Variants in GARNL3 observed in about 807,000 individuals in gnomAD.
The protein encoded by GARNL3 is GTPase activating Rap/RanGAP domain like 3.
In GARNL3, 63 loss-of-function variants were observed where a neutral mutation model predicts 125.0. The observed-to-expected ratio is 0.50, with a 90% CI of 0.41 to 0.62. The LOEUF (loss-of-function observed/expected upper bound fraction) is 0.62. Ranked by LOEUF, GARNL3 falls within the 20% of genes least tolerant of loss-of-function variation. GARNL3 has a pLI of 0.00. For missense variants in GARNL3, 994 were observed against 1,244.0 expected, an observed-to-expected ratio of 0.80 and a Z score of 3.02; for synonymous variants, 439 against 457.5, an observed-to-expected ratio of 0.96 and a Z score of 0.52.
chr9:127,278,244 A>T (rs1373057626), intron 1 of GARNL3, among the ~76,000 whole-genome samples: 1 of 152,252 alleles, frequency 6.6e-6, no homozygotes, highest in African/African-American at 2.4e-5. Flanking sequence ...TTTAGTACAC[A>T]TCGATTTAGT....
At chr9:127,314,003 GTGAC>G (rs569220910) in intron 4 of GARNL3, among the ~76,000 whole-genome samples, 139 of 152,302 alleles carry the variant, frequency 9.1e-4, no homozygotes, top group African/African-American at 2.9e-3. Context: ...CCGTTGTGGA[GTGAC>G]TGATCCAACC....
At chr9:127,331,759 A>G (rs1408713244) in intron 7 of GARNL3, among the ~76,000 whole-genome samples, 4 of 69,270 alleles carry the variant, frequency 5.8e-5, no homozygotes, top group African/African-American at 2.0e-4. Flanking sequence ...TGACTTCTTC[A>G]GATTGAATAT....
At chr9:127,336,002 G>C (rs1056036636) in intron 10 of GARNL3, 126 bp from the exon 11 acceptor site, 1 of 669,740 alleles carries the variant, frequency 1.5e-6, no homozygotes, top group Non-Finnish European at 2.5e-6. Context: ...TGAAGTCAAA[G>C]ATGTCTGAAG....
At chr9:127,293,774 T>A (rs894630681) in intron 2 of GARNL3, among the ~76,000 whole-genome samples, 2 of 152,154 alleles carry the variant, frequency 1.3e-5, no homozygotes, top group African/African-American at 4.8e-5. Context: ...TTCCTGAAAA[T>A]TTTTAGGAAT....
intron 27 of GARNL3, 55 bp downstream of exon 27, chr9:127,390,822 T>A: frequency 6.4e-7 from 1 of 1,556,038 alleles, no homozygotes; most frequent in Non-Finnish European, 8.7e-7. Context: ...GTCACAGCAC[T>A]GCCCAGGAGG....
chr9:127,297,453 T>C (rs1246665105), intron 2 of GARNL3, among the ~76,000 whole-genome samples: 1 of 152,196 alleles, frequency 6.6e-6, no homozygotes, highest in Non-Finnish European at 1.5e-5. Context: ...TTTTCTTTTT[T>C]CTTTTTTTTC....
At chr9:127,300,082 T>G (rs2064738625) in intron 2 of GARNL3, 1 of 315,304 alleles carries the variant, frequency 3.2e-6, no homozygotes, top group Non-Finnish European at 6.3e-6. Flanking sequence ...ACAGACAGAT[T>G]TTCAAAATCA....
intron 2 of GARNL3, among the ~76,000 whole-genome samples, chr9:127,255,464 A>G (rs1564852435): frequency 6.6e-6 from 1 of 152,250 alleles, no homozygotes; most frequent in African/African-American, 2.4e-5. Flanking sequence ...GAGTAAGTAC[A>G]TAGTATAAAT....
rs180733856 is a variant in GARNL3 at position 127,392,420 on chromosome 9, G to T, written c.2871-663G>T. On this transcript the variant is annotated intron_variant, in intron 27 of 27. Transcript: ENST00000373387. This position sits in a 1 kb window ranked among gnomAD's most constrained non-coding sequence, Gnocchi z 5.2. ...TTGGAATAAACGGTAAGAAGCTAGG[G>T]GAACAGCCCTTCTGACAGCAACTAC... is the stretch of plus-strand genomic sequence containing the variant. Among the ~76,000 whole-genome samples the T allele has an allele frequency of 6.6e-6, 1 of 152,208 alleles. No homozygotes were observed. The highest frequency in any genetic ancestry group is 1.5e-5 in the Non-Finnish European group (1 of 68,044).
At chr9:127,253,441 T>C (rs1196014990) in intron 2 of GARNL3, among the ~76,000 whole-genome samples, 1 of 152,234 alleles carries the variant, frequency 6.6e-6, no homozygotes, top group Non-Finnish European at 1.5e-5. Context: ...GAACTAAGTC[T>C]GTACCAGATA....
intron 14 of GARNL3, among the ~76,000 whole-genome samples, chr9:127,344,012 GT>G (rs1830005479): frequency 6.6e-6 from 1 of 151,998 alleles, no homozygotes; most frequent in Non-Finnish European, 1.5e-5. Context: ...TCAAAGCCGT[GT>G]CCTCAGCCCC....
Position 127,355,444 on chromosome 9 carries a change from C to T in GARNL3, c.1907C>T (p.Ser636Leu). ...STSLLSPLSE[S>L]PVEEFQYIRE... The stretch of plus-strand genomic sequence containing the variant: ...TCATTGTTATCTCCCCTGTCTGAGT[C>T]ACCTGTTGAAGAATTCCAGTACATC... The change falls in exon 20 of 28, where the codon TCA (serine) becomes TTA (leucine). Residue 636 changes from serine (S) to leucine (L), a missense_variant. By Grantham distance (145) the Ser-to-Leu change is moderately radical (BLOSUM62 -2). This residue lies in a region of GARNL3 where 728 missense variants were observed against 865.7 expected (regional missense o/e 0.84). Transcript: ENST00000373387. The T allele has an allele frequency of 6.2e-7, 1 of 1,614,224 alleles. No individual in the cohort carries two copies. Among genetic ancestry groups the T allele is most frequent in the Non-Finnish European group, 8.5e-7 (1 of 1,180,016 alleles).
At chr9:127,372,905 A>G (rs1831686522) in intron 22 of GARNL3, among the ~76,000 whole-genome samples, 1 of 152,214 alleles carries the variant, frequency 6.6e-6, no homozygotes, top group Non-Finnish European at 1.5e-5. Flanking sequence ...ACTCCAGAAG[A>G]TACAGGGGCC....
At chr9:127,332,662 GA>G (rs1454166767) in intron 8 of GARNL3, among the ~76,000 whole-genome samples, 1 of 152,192 alleles carries the variant, frequency 6.6e-6, no homozygotes, top group African/African-American at 2.4e-5. Flanking sequence ...ATTTTTATGA[GA>G]GGAAGAATTA....
intron 24 of GARNL3, among the ~76,000 whole-genome samples, chr9:127,386,852 C>A (rs1301826217): frequency 6.6e-6 from 1 of 152,238 alleles, no homozygotes; most frequent in Non-Finnish European, 1.5e-5. Flanking sequence ...TAAGATCTTT[C>A]CCGTTCTAAC....
At chr9:127,323,097 A>T (rs572372236) in intron 6 of GARNL3, among the ~76,000 whole-genome samples, 1 of 152,348 alleles carries the variant, frequency 6.6e-6, no homozygotes, top group East Asian at 1.9e-4. Context: ...TATGAAAAAA[A>T]TCAGTGTCAG....
At position 127,242,241 on chromosome 9, in the gene GARNL3, C is replaced by T. The variant is rs1185720454; in HGVS notation, c.-28-838C>T. On this transcript the variant is annotated intron_variant, in intron 1 of 10. Coordinates refer to the GARNL3 transcript ENST00000439286. The surrounding 1 kb of genome is among the most constrained non-coding windows in gnomAD (Gnocchi z 4.6). ...TCTTAAGAAGACATTATAAAGAGTC[C>T]CCTTTGACCAAAGTGTTACATAAAA... Among the ~76,000 whole-genome samples, 1 of 152,060 alleles carries T rather than the reference C, an allele frequency of 6.6e-6. No homozygotes were observed. Among genetic ancestry groups the T allele is most frequent in the Non-Finnish European group, 1.5e-5 (1 of 68,018 alleles).
At chr9:127,357,670 G>A (rs1830760683) in intron 21 of GARNL3, among the ~76,000 whole-genome samples, 1 of 152,100 alleles carries the variant, frequency 6.6e-6, no homozygotes, top group South Asian at 2.1e-4. Context: ...GGGCACAATG[G>A]CTCACGCCTG....
At chr9:127,333,164 T>C (rs760633681) in intron 9 of GARNL3, 43 bp downstream of exon 9, 3 of 1,502,204 alleles carry the variant, frequency 2.0e-6, no homozygotes, top group South Asian at 1.1e-5. Flanking sequence ...TTTGTATAAC[T>C]TTTGTAAGTC....
Sources: gnomAD v4.1 joint callset for allele counts (sites outside exome capture counted in the v4.1 genomes callset) on GRCh38, gnomAD v4.1.1 for gene constraint, gnomAD v4.1.1 regional missense constraint, Gnocchi (gnomAD v3.1) non-coding constraint, MANE v1.5 for transcripts, NCBI Gene and HGNC (gene_info 2026-07-23, HGNC 2026-07-21) for gene names.